Variants in TRIM37 observed in about 807,000 individuals in gnomAD.
TRIM37 encodes E3 ubiquitin-protein ligase TRIM37.
In TRIM37, 80 loss-of-function variants were observed where a neutral mutation model predicts 129.8. The observed-to-expected ratio is 0.62, with a 90% CI of 0.51 to 0.74. The LOEUF (loss-of-function observed/expected upper bound fraction) is 0.74. TRIM37 is among the 30% of genes least tolerant of loss of function. The pLI, the probability that TRIM37 is intolerant of heterozygous loss-of-function variation, is 0.00. For missense variants in TRIM37, 1,054 were observed against 1,176.5 expected (o/e 0.90, Z 1.52); for synonymous variants, 389 against 387.1 (o/e 1.00, Z -0.06).
chr17:59,044,530 C>G (rs1352526119), intron 16 of TRIM37, among the ~76,000 whole-genome samples: 1 of 151,882 alleles, frequency 6.6e-6, no homozygotes, highest in Non-Finnish European at 1.5e-5. Context: ...CCACTGCACT[C>G]CAGCCTGGGC....
downstream of TRIM37, chr17:58,980,739 C>A (rs1163018198): frequency 1.9e-6 from 3 of 1,614,022 alleles, no homozygotes; most frequent in African/African-American, 2.7e-5. The surrounding 1 kb of genome is among the most constrained non-coding windows in gnomAD (Gnocchi z 4.7). Flanking sequence ...CAGTTCAAAT[C>A]CCCGGGAAAC....
chr17:59,099,255 G>A (rs925516679), intron 2 of TRIM37, among the ~76,000 whole-genome samples: 5 of 152,010 alleles, frequency 3.3e-5, no homozygotes, highest in African/African-American at 4.8e-5. Context: ...AAGATGTTTC[G>A]GTAAATGATG....
chr17:59,089,726 C>T lies in TRIM37; in HGVS notation c.165-1319G>A, dbSNP rs1284667207. On this transcript the variant is annotated intron_variant, in intron 3 of 23. Coordinates refer to ENST00000262294, the MANE Select transcript of TRIM37 (RefSeq NM_015294.6). ...GACAGCCACACACAACTAGTGGCTA[C>T]CATACTGGACAGTGTAGACATAGAA... Among the ~76,000 whole-genome samples the T allele has an allele frequency of 5.3e-5, 8 of 152,270 alleles. No individual in the cohort carries two copies. In the South Asian group the frequency reaches 1.7e-3, roughly 32 times the overall value.
At chr17:59,088,158 C>G (rs1387767895) in intron 4 of TRIM37, 133 bp downstream of exon 4, 1 of 672,574 alleles carries the variant, frequency 1.5e-6, no homozygotes, top group African/African-American at 1.8e-5. Flanking sequence ...CAGCGCATGA[C>G]TGAAAGAATT....
intron 18 of TRIM37, among the ~76,000 whole-genome samples, chr17:59,029,611 AGCAGGCCACGT>A (rs1166763495): frequency 6.6e-6 from 1 of 151,796 alleles, no homozygotes; most frequent in African/African-American, 2.4e-5. Flanking sequence ...TCAAAGCCCA[AGCAGGCCACGT>A]GCAGTGGCTC....
At chr17:59,058,455 G>A (rs944926155) in intron 12 of TRIM37, among the ~76,000 whole-genome samples, 1 of 152,232 alleles carries the variant, frequency 6.6e-6, no homozygotes, top group African/African-American at 2.4e-5. Context: ...CCTGGGTGAT[G>A]AAATAATCTG....
intron 7 of TRIM37, among the ~76,000 whole-genome samples, chr17:59,079,155 T>C (rs1331245198): frequency 6.6e-6 from 1 of 151,878 alleles, no homozygotes; most frequent in East Asian, 1.9e-4. Flanking sequence ...AGCAAAACAC[T>C]GGAAGGACTA....
At chr17:59,018,983 GA>G (rs1567989367) in intron 19 of TRIM37, among the ~76,000 whole-genome samples, 1 of 151,940 alleles carries the variant, frequency 6.6e-6, no homozygotes, top group Non-Finnish European at 1.5e-5. Flanking sequence ...AATGGGCAAG[GA>G]AAAAAAGAGG....
chr17:58,995,071 C>T (rs372744944), downstream of TRIM37, among the ~76,000 whole-genome samples: 38 of 151,686 alleles, frequency 2.5e-4, no homozygotes, highest in African/African-American at 8.7e-4. Flanking sequence ...TTTTTTGAGA[C>T]AGTGTCTCAC....
In TRIM37 at chr17:59,015,819, G is replaced by A. The variant is rs370373507; in HGVS notation, c.2387-20C>T. On this transcript the variant is annotated intron_variant, in intron 20 of 23. Coordinates refer to ENST00000262294, the MANE Select transcript of TRIM37 (RefSeq NM_015294.6). ...GGGAGCCTTCAAAAAAAGGAAGATG[G>A]AATACAAAAATTAGCTGGGCATGGT... is the stretch of plus-strand genomic sequence containing the variant. The A allele has an allele frequency of 9.3e-5, 150 of 1,610,250 alleles. No homozygotes were observed. The highest frequency in any genetic ancestry group is 1.2e-4 in the Non-Finnish European group (142 of 1,178,996).
downstream of TRIM37, chr17:58,982,324 AAACT>A (rs890357535): frequency 9.2e-5 from 14 of 152,430 alleles, no homozygotes; most frequent in African/African-American, 2.9e-4. Flanking sequence ...TAAAGACAAC[AAACT>A]ATCAGATTCA....
chr17:59,025,264 T>TA (rs926941451), intron 19 of TRIM37, among the ~76,000 whole-genome samples: 1 of 151,986 alleles, frequency 6.6e-6, no homozygotes, highest in Non-Finnish European at 1.5e-5. Context: ...GACCTATATG[T>TA]AAAAAAGTTA....
At chr17:58,986,353 C>G (rs2031809286) in intron 24 of TRIM37, among the ~76,000 whole-genome samples, 1 of 151,852 alleles carries the variant, frequency 6.6e-6, no homozygotes, top group African/African-American at 2.4e-5. Flanking sequence ...CGCCCGCCAC[C>G]ACACCCAGCT....
At chr17:59,035,779 AC>A (rs1480762098) in intron 17 of TRIM37, among the ~76,000 whole-genome samples, 1 of 152,016 alleles carries the variant, frequency 6.6e-6, no homozygotes, top group Non-Finnish European at 1.5e-5. Context: ...AAACAAAAAA[AC>A]AACAAAAACC....
At chr17:59,010,881 T>C (rs772683993) in intron 22 of TRIM37, among the ~76,000 whole-genome samples, 26 of 151,936 alleles carry the variant, frequency 1.7e-4, no homozygotes, top group Non-Finnish European at 2.8e-4. Flanking sequence ...AGAAAGTAAC[T>C]ATTCCCCGGC....
intron 1 of TRIM37, among the ~76,000 whole-genome samples, chr17:59,104,759 C>T (rs747500808): frequency 3.9e-4 from 59 of 152,158 alleles, no homozygotes; most frequent in Non-Finnish European, 6.8e-4. Context: ...AATACTTCTT[C>T]ATCTAATGAT....
chr17:58,971,863 C>T, the TRIM37 span, among the ~76,000 whole-genome samples: 1 of 152,318 alleles, frequency 6.6e-6, no homozygotes. Context: ...ACATAACCTG[C>T]CATAGTTTTC....
chr17:58,998,654 A>G lies in TRIM37; in HGVS notation c.*723T>C. On this transcript the variant is annotated 3_prime_UTR_variant, in exon 24 of 24. Coordinates refer to ENST00000262294, the MANE Select transcript of TRIM37 (RefSeq NM_015294.6). Reference sequence around the variant, plus strand: ...ACTACAGTCGTATAGTAAGAGGCAGAAAAAAATGAAAGAATTTTAAATAAT... The same window carrying G: ...ACTACAGTCGTATAGTAAGAGGCAGGAAAAAATGAAAGAATTTTAAATAAT... The G allele has an allele frequency of 1.0e-6, 1 of 985,362 alleles. No individual in the cohort carries two copies. Among genetic ancestry groups the G allele is most frequent in the Non-Finnish European group, 1.2e-6 (1 of 829,860 alleles). 61.0% of individuals were successfully genotyped at this position (985,362 alleles called of 1,614,324 possible). A position where few individuals can be genotyped will look rare whatever the true frequency, so the allele number is the denominator to read the frequency against.
chr17:59,069,037 A>G (rs1057340887), intron 9 of TRIM37, among the ~76,000 whole-genome samples: 2 of 152,162 alleles, frequency 1.3e-5, no homozygotes, highest in Non-Finnish European at 2.9e-5. Flanking sequence ...GCCCTGGCTT[A>G]TATGATATAC....
Sources: allele counts gnomAD v4.1 joint callset (sites outside exome capture counted in the v4.1 genomes callset), GRCh38; gene constraint gnomAD v4.1.1; non-coding constraint Gnocchi (gnomAD v3.1); transcripts MANE v1.5; gene names NCBI Gene and HGNC (gene_info 2026-07-23, HGNC 2026-07-21).